The following LAMA4 variants were observed in gnomAD, a reference collection of about 807,000 sequenced individuals.
LAMA4 encodes the protein laminin subunit alpha 4, also known as laminin subunit alpha-4.
A neutral mutation model predicts 207.1 loss-of-function variants in LAMA4; 127 were observed. The observed-to-expected ratio is 0.61, with a 90% CI of 0.53 to 0.71. The LOEUF is 0.71. Ranked by LOEUF, LAMA4 falls within the 30% of genes least tolerant of loss-of-function variation. The pLI, the probability that LAMA4 is intolerant of heterozygous loss-of-function variation, is 0.00. For missense variants in LAMA4, 2,093 were observed against 2,246.5 expected, an observed-to-expected ratio of 0.93 and a Z score of 1.38; for synonymous variants, 761 against 816.0, an observed-to-expected ratio of 0.93 and a Z score of 1.15.
intron 8 of LAMA4, 55 bp from the exon 9 acceptor site, chr6:112,185,402 T>C (rs70940812): frequency 2.9e-6 from 3 of 1,028,436 alleles, no homozygotes; most frequent in African/African-American, 1.6e-5. Flanking sequence ...TTTTAAAAAA[T>C]GTACATAAAA....
Position 112,187,754 on chromosome 6 carries a change from T to G in LAMA4, c.815-153A>C, listed in dbSNP as rs73764704. ...ATTCTATTCTTGTCAGGCTTTAGTATCTTGCTTGGCATTAGCTAGTGAAGA... is the reference window on the plus strand; with the variant it reads ...ATTCTATTCTTGTCAGGCTTTAGTAGCTTGCTTGGCATTAGCTAGTGAAGA... On this transcript the variant is annotated intron_variant, in intron 7 of 38. Transcript: ENST00000230538. Among the ~76,000 whole-genome samples the G allele has an allele frequency of 0.016, 2,471 of 152,292 alleles. 68 individuals are homozygous for G. Among genetic ancestry groups the G allele is most frequent in the African/African-American group, 0.057 (2,351 of 41,548 alleles).
At chr6:112,234,874 C>G (rs1785795637) in intron 2 of LAMA4, 1 of 152,156 alleles carries the variant, frequency 6.6e-6, no homozygotes, top group African/African-American at 2.4e-5. Context: ...TAATAAAAAC[C>G]TAGAAGTTTG....
intron 36 of LAMA4, among the ~76,000 whole-genome samples, chr6:112,115,505 A>T (rs1777963651): frequency 1.3e-5 from 2 of 152,106 alleles, no homozygotes; most frequent in Non-Finnish European, 2.9e-5. Context: ...TCTGATATAC[A>T]TACATATTAT....
At chr6:112,111,279 A>C (rs1554321499) in intron 38 of LAMA4, among the ~76,000 whole-genome samples, 1 of 152,154 alleles carries the variant, frequency 6.6e-6, no homozygotes, top group Non-Finnish European at 1.5e-5. Context: ...CCTGAGCTCA[A>C]GTGATCCACC....
chr6:112,208,603 T>G (rs1468296211), intron 3 of LAMA4, among the ~76,000 whole-genome samples: 1 of 152,212 alleles, frequency 6.6e-6, no homozygotes, highest in Admixed American at 6.5e-5. Flanking sequence ...TTCCATATTA[T>G]ACTGCTTCTC....
At chr6:112,180,820 G>A (rs1187380362) in intron 9 of LAMA4, among the ~76,000 whole-genome samples, 1 of 152,080 alleles carries the variant, frequency 6.6e-6, no homozygotes, top group Admixed American at 6.6e-5. Context: ...ACCAATAGTA[G>A]GAATATTGGT....
At chr6:112,246,917 C>A (rs62414021) in intron 2 of LAMA4, among the ~76,000 whole-genome samples, 1 of 152,144 alleles carries the variant, frequency 6.6e-6, no homozygotes, top group Admixed American at 6.5e-5. Context: ...GTTTAAAGAA[C>A]CATAAAAGAC....
chr6:112,171,922 G>A (rs1011561942), intron 12 of LAMA4: 1 of 152,388 alleles, frequency 6.6e-6, no homozygotes, highest in Admixed American at 6.5e-5. Flanking sequence ...GTTTCTATTT[G>A]TTCACAGTAT....
chr6:112,144,710 G>C (rs562007872), intron 19 of LAMA4, 84 bp downstream of exon 19: 2 of 1,486,734 alleles, frequency 1.3e-6, no homozygotes, highest in Non-Finnish European at 1.9e-6. Flanking sequence ...AAAGGTCCAG[G>C]CTCTGGAAGC....
chr6:112,154,355 T>TAGAAAA (rs1172895098), intron 16 of LAMA4, among the ~76,000 whole-genome samples: 1 of 21,842 alleles, frequency 4.6e-5, no homozygotes, highest in Non-Finnish European at 9.3e-5. Context: ...GAACACAAAC[T>TAGAAAA]ACAAAAAAAA....
At chr6:112,197,419 T>C (rs1554350817) in intron 5 of LAMA4, among the ~76,000 whole-genome samples, 2 of 152,192 alleles carry the variant, frequency 1.3e-5, no homozygotes, top group African/African-American at 2.4e-5. Context: ...TTTAGACCAG[T>C]GTTTCGCGAA....
At chr6:112,132,227 T>C (rs1779077236) in intron 28 of LAMA4, among the ~76,000 whole-genome samples, 1 of 152,146 alleles carries the variant, frequency 6.6e-6, no homozygotes, top group Non-Finnish European at 1.5e-5. Context: ...TTTCAAAATA[T>C]TAAAATAATC....
intron 2 of LAMA4, chr6:112,236,686 G>A (rs1246115157): frequency 2.0e-5 from 3 of 152,214 alleles, no homozygotes; most frequent in African/African-American, 7.2e-5. Flanking sequence ...GCTGCAGTTT[G>A]CCTTCATGAC....
chr6:112,114,847 C>A, intron 36 of LAMA4, 91 bp from the exon 37 acceptor site: 1 of 910,440 alleles, frequency 1.1e-6, no homozygotes. Context: ...TGAAGCAATA[C>A]TTCAACAAAT....
intron 9 of LAMA4, among the ~76,000 whole-genome samples, chr6:112,184,430 G>A (rs1782563193): frequency 6.6e-6 from 1 of 152,000 alleles, no homozygotes; most frequent in African/African-American, 2.4e-5. Context: ...TTTTCCATTA[G>A]GCTGTTGCGG....
At chr6:112,191,881 T>C in intron 5 of LAMA4, 31 bp from the exon 6 acceptor site, 1 of 1,488,164 alleles carries the variant, frequency 6.7e-7, no homozygotes, top group Non-Finnish European at 9.4e-7. Flanking sequence ...TTTAAATATT[T>C]AGCATCATGG....
chr6:112,247,775 G>A (rs1296185884), intron 2 of LAMA4, among the ~76,000 whole-genome samples: 1 of 152,178 alleles, frequency 6.6e-6, no homozygotes, highest in Non-Finnish European at 1.5e-5. Context: ...AACTCAAACA[G>A]AGGCTTGTAC....
In LAMA4 at chr6:112,190,926, T is replaced by TCCTTC. The variant is rs1225357399; in HGVS notation, c.718+709_718+710insGAAGG. 1.5e-3 allele frequency among the ~76,000 whole-genome samples: 143 copies of TCCTTC among 93,744 alleles called. 1 individual carries two copies. Among genetic ancestry groups the TCCTTC allele is most frequent in the Non-Finnish European group, 2.3e-3 (107 of 46,322 alleles). The allele number at this position is 93,744 out of a possible 152,430, so 61.5% of individuals were successfully genotyped here. A position where few individuals can be genotyped will look rare whatever the true frequency, so the allele number is the denominator to read the frequency against. ...TTCTTTCTTTCTTTCTTTCTTTCTT[T>TCCTTC]CTTTCTTTCTTTCTTTCTTTCCTTT... On this transcript the variant is annotated intron_variant, in intron 6 of 38. Transcript: ENST00000230538.
intron 38 of LAMA4, among the ~76,000 whole-genome samples, chr6:112,113,819 G>A (rs1168556277): frequency 5.3e-5 from 8 of 152,204 alleles, no homozygotes; most frequent in African/African-American, 1.9e-4. Context: ...GTGTATGTGT[G>A]TGGCGGGCAC....
Sources: gnomAD v4.1 joint callset for allele counts (sites outside exome capture counted in the v4.1 genomes callset) on GRCh38, gnomAD v4.1.1 for gene constraint, MANE v1.5 for transcripts, NCBI Gene and HGNC (gene_info 2026-07-23, HGNC 2026-07-21) for gene names.